Variants in PRR5L observed in about 807,000 individuals in gnomAD.
PRR5L encodes the protein proline rich 5 like.
In PRR5L, 21 loss-of-function variants were observed where a neutral mutation model predicts 36.4. The ratio of observed to expected loss-of-function variants is 0.58; its 90% CI spans 0.41 to 0.83. The LOEUF (loss-of-function observed/expected upper bound fraction) is 0.83. Among genes scored for constraint, PRR5L ranks in the 40% least tolerant of loss-of-function variants. The pLI is 0.00. For missense variants in PRR5L, 381 were observed against 473.3 expected (o/e 0.80, Z 1.81); for synonymous variants, 188 against 197.0 (o/e 0.95, Z 0.38).
At chr11:36,320,603 C>A (rs1313467279) in intron 1 of PRR5L, among the ~76,000 whole-genome samples, 4 of 152,128 alleles carry the variant, frequency 2.6e-5, no homozygotes, top group Non-Finnish European at 5.9e-5. Context: ...GTGTTAATTT[C>A]CTCATCTGCT....
rs558811123 is a variant in PRR5L at position 36,336,739 on chromosome 11, T to A, written c.-126+40301T>A. 9.2e-5 allele frequency among the ~76,000 whole-genome samples: 14 copies of A among 152,242 alleles called. No individual in the cohort carries two copies. The South Asian group carries it at 2.3e-3, about 25-fold the overall frequency. On this transcript the variant is annotated intron_variant, in intron 1 of 8. Transcript: ENST00000530639. ...GTTATAAACATATAGCTATTACAAT[T>A]AAAAATGTCTGCTTCCCATTTAGAA...
chr11:36,352,208 G>T (rs918818221), intron 1 of PRR5L, among the ~76,000 whole-genome samples: 17 of 152,056 alleles, frequency 1.1e-4, no homozygotes, highest in African/African-American at 4.1e-4. Context: ...TCATATGTTT[G>T]TTGGCCATTT....
chr11:36,356,645 T>C (rs1430678171), intron 1 of PRR5L, among the ~76,000 whole-genome samples: 1 of 152,246 alleles, frequency 6.6e-6, no homozygotes, highest in African/African-American at 2.4e-5. Context: ...ATTATTATTT[T>C]ATCAGTTATG....
chr11:36,386,021 C>T (rs1029848096), intron 1 of PRR5L, among the ~76,000 whole-genome samples: 4 of 152,200 alleles, frequency 2.6e-5, no homozygotes, highest in Non-Finnish European at 4.4e-5. Context: ...TTTGGGCAGG[C>T]ATGGTGGCTC....
intron 3 of PRR5L, among the ~76,000 whole-genome samples, chr11:36,418,558 AG>A (rs1217964485): frequency 6.6e-6 from 1 of 152,208 alleles, no homozygotes; most frequent in East Asian, 1.9e-4. Flanking sequence ...GCACTTTGGG[AG>A]GCCGAGGCGG....
At chr11:36,396,850 A>G (rs1304331486) in intron 1 of PRR5L, among the ~76,000 whole-genome samples, 1 of 152,130 alleles carries the variant, frequency 6.6e-6, no homozygotes, top group African/African-American at 2.4e-5. Context: ...AGAGTTCCTT[A>G]TGCCAGCTTA....
At chr11:36,350,405 G>T (rs751140608) in intron 1 of PRR5L, among the ~76,000 whole-genome samples, 4 of 151,886 alleles carry the variant, frequency 2.6e-5, no homozygotes, top group Non-Finnish European at 5.9e-5. Context: ...TGAAGAATAA[G>T]AGGGACAGTG....
At chr11:36,307,691 A>G (rs1228704742) in intron 1 of PRR5L, among the ~76,000 whole-genome samples, 3 of 152,188 alleles carry the variant, frequency 2.0e-5, no homozygotes, top group Non-Finnish European at 4.4e-5. Flanking sequence ...ATACGCACAA[A>G]TGTTCGCAGT....
chr11:36,407,660 T>C (rs1052531324), intron 3 of PRR5L, among the ~76,000 whole-genome samples: 4 of 152,224 alleles, frequency 2.6e-5, no homozygotes, highest in African/African-American at 9.7e-5. Context: ...CTAAATCAGA[T>C]TCTTTGGGTC....
At chr11:36,322,395 T>G (rs185579070) in intron 1 of PRR5L, among the ~76,000 whole-genome samples, 1 of 152,346 alleles carries the variant, frequency 6.6e-6, no homozygotes, top group Non-Finnish European at 1.5e-5. Context: ...AAATGAATTT[T>G]ATAATATATA....
chr11:36,362,258 C>T (rs11033573), intron 1 of PRR5L: 36,118 of 151,602 alleles, frequency 0.24, 5,255 homozygotes, highest in Non-Finnish European at 0.33. Context: ...ATTCTTATGA[C>T]TCTGACTCAC....
intron 1 of PRR5L, among the ~76,000 whole-genome samples, chr11:36,336,911 G>A (rs1204544658): frequency 6.6e-6 from 1 of 151,884 alleles, no homozygotes; most frequent in Non-Finnish European, 1.5e-5. Flanking sequence ...TAAGAGTTTT[G>A]TCGACCTCTG....
chr11:36,300,231 G>A (rs1856360447), intron 1 of PRR5L, among the ~76,000 whole-genome samples: 2 of 152,140 alleles, frequency 1.3e-5, no homozygotes, highest in Admixed American at 1.3e-4. Flanking sequence ...TACAAGCATG[G>A]CACTTGCATC....
At chr11:36,407,185 TA>T (rs34642360) in intron 3 of PRR5L, among the ~76,000 whole-genome samples, 34,792 of 152,026 alleles carry the variant, frequency 0.23, 5,642 homozygotes, top group African/African-American at 0.47. Flanking sequence ...GCCCCATGAA[TA>T]GTGCTGTGTA....
At chr11:36,376,231 G>T (rs1857256261) in intron 1 of PRR5L, 2 of 1,272,976 alleles carry the variant, frequency 1.6e-6, no homozygotes, top group Admixed American at 4.6e-5. Flanking sequence ...GAGTGAGATG[G>T]GGTGAAGTGA....
At chr11:36,435,397 T>C (rs1020660390) in intron 5 of PRR5L, among the ~76,000 whole-genome samples, 2 of 152,172 alleles carry the variant, frequency 1.3e-5, no homozygotes, top group Non-Finnish European at 2.9e-5. Context: ...AGTATAAAAC[T>C]GTACCTAGGA....
chr11:36,429,414 A>T (rs1858447544), intron 4 of PRR5L, among the ~76,000 whole-genome samples: 1 of 152,218 alleles, frequency 6.6e-6, no homozygotes, highest in Non-Finnish European at 1.5e-5. Flanking sequence ...AGGACCTAAA[A>T]TTCTAACAAA....
chr11:36,361,711 CT>C (rs1193557050), intron 1 of PRR5L, among the ~76,000 whole-genome samples: 1 of 152,138 alleles, frequency 6.6e-6, no homozygotes, highest in Non-Finnish European at 1.5e-5. Context: ...AAGAGACAAC[CT>C]TTTTCATTAC....
chr11:36,354,095 CAATTCTGGCTT>C (rs1857002665), intron 1 of PRR5L, among the ~76,000 whole-genome samples: 1 of 152,192 alleles, frequency 6.6e-6, no homozygotes, highest in Admixed American at 6.5e-5. Flanking sequence ...ACCTGTGTCT[CAATTCTGGCTT>C]ACTATTACTT....
Sources: gnomAD v4.1 joint callset for allele counts (sites outside exome capture counted in the v4.1 genomes callset) on GRCh38, gnomAD v4.1.1 for gene constraint, MANE v1.5 for transcripts, NCBI Gene and HGNC (gene_info 2026-07-23, HGNC 2026-07-21) for gene names.